The following ELAPOR2 variants were observed in gnomAD, a reference collection of about 807,000 sequenced individuals.
ELAPOR2 encodes the protein endosome/lysosome-associated apoptosis and autophagy regulator family member 2.
ELAPOR2 carries 89 observed loss-of-function variants against 120.7 expected under a neutral mutation model. The observed-to-expected ratio is 0.74, with a 90% CI of 0.62 to 0.88. The LOEUF is 0.88. Ranked by LOEUF, ELAPOR2 falls within the 40% of genes least tolerant of loss-of-function variation. ELAPOR2 has a pLI of 0.00. For missense variants in ELAPOR2, 1,134 were observed against 1,251.6 expected (o/e 0.91, Z 1.42); for synonymous variants, 444 against 444.9 (o/e 1.00, Z 0.03).
At chr7:87,046,183 C>A (rs1226092030) in intron 1 of ELAPOR2, among the ~76,000 whole-genome samples, 1 of 151,782 alleles carries the variant, frequency 6.6e-6, no homozygotes, top group Non-Finnish European at 1.5e-5. Flanking sequence ...AAACAGAAAT[C>A]AAAAAAAGTA....
intron 1 of ELAPOR2, among the ~76,000 whole-genome samples, chr7:87,017,434 T>C (rs1793905697): frequency 6.6e-6 from 1 of 152,094 alleles, no homozygotes. Flanking sequence ...CTTGGAAAAA[T>C]GCTCATAATA....
chr7:86,924,474 A>T (rs12704298), intron 10 of ELAPOR2, among the ~76,000 whole-genome samples: 58,001 of 151,210 alleles, frequency 0.38, 13,628 homozygotes, highest in African/African-American at 0.68. Flanking sequence ...TCCCAATAGG[A>T]CTTAATTTTC....
Position 86,879,579 on chromosome 7 carries a change from C to T in ELAPOR2, c.*892G>A, listed in dbSNP as rs548863440. 86 of 152,276 alleles carry T rather than the reference C, an allele frequency of 5.6e-4. No homozygotes were observed. Among genetic ancestry groups the T allele is most frequent in the African/African-American group, 2.0e-3 (83 of 41,568 alleles). The allele number at this position is 152,276 out of a possible 1,614,324, so 9.4% of individuals were successfully genotyped here. ...CATGAAATTACCCCAGTATTTCATA[C>T]AGTCATCTGTACTTATAGACAAACC... On this transcript the variant is annotated 3_prime_UTR_variant, in exon 22 of 22. Transcript: ENST00000450689.
chr7:86,893,660 C>T (rs553225044), intron 19 of ELAPOR2, among the ~76,000 whole-genome samples: 2 of 152,010 alleles, frequency 1.3e-5, no homozygotes, highest in Non-Finnish European at 2.9e-5. Flanking sequence ...ACAGTCTACA[C>T]CCTTCTTCCC....
At chr7:86,958,479 C>G (rs1791566007) in intron 2 of ELAPOR2, among the ~76,000 whole-genome samples, 1 of 152,028 alleles carries the variant, frequency 6.6e-6, no homozygotes, top group Non-Finnish European at 1.5e-5. Flanking sequence ...TATTTAACCC[C>G]CTTAACCACC....
At chr7:87,031,059 C>A (rs2116732574) in intron 1 of ELAPOR2, among the ~76,000 whole-genome samples, 1 of 152,256 alleles carries the variant, frequency 6.6e-6, no homozygotes, top group East Asian at 1.9e-4. Context: ...TATGGGGAAA[C>A]CACCCCCATG....
chr7:87,051,182 A>C (rs1207300246), intron 1 of ELAPOR2, among the ~76,000 whole-genome samples: 1 of 152,218 alleles, frequency 6.6e-6, no homozygotes, highest in Non-Finnish European at 1.5e-5. Context: ...GAGGGCCAAG[A>C]ATAAATCGCT....
rs1799245677 is a variant in ELAPOR2 at position 86,878,275 on chromosome 7, G to C, written c.*2196C>G. On this transcript the variant is annotated 3_prime_UTR_variant, in exon 22 of 22. Coordinates refer to ENST00000450689, the MANE Select transcript of ELAPOR2 (RefSeq NM_001142749.3). ...ATATTTTCCCCATAATATTCTTTCTGTCATACTTCTTCAGTGCTTGAAATA... is the reference window on the plus strand; with the variant it reads ...ATATTTTCCCCATAATATTCTTTCTCTCATACTTCTTCAGTGCTTGAAATA... The C allele has an allele frequency of 6.6e-6, 1 of 152,118 alleles. No individual in the cohort carries two copies. The highest frequency in any genetic ancestry group is 6.5e-5 in the Admixed American group (1 of 15,278). The allele number at this position is 152,118 out of a possible 1,614,324, so 9.4% of individuals were successfully genotyped here. A position where few individuals can be genotyped will look rare whatever the true frequency, so the allele number is the denominator to read the frequency against.
chr7:86,924,916 C>T (rs1386021447), intron 10 of ELAPOR2, among the ~76,000 whole-genome samples: 1 of 151,990 alleles, frequency 6.6e-6, no homozygotes, highest in African/African-American at 2.4e-5. Context: ...ACAATACCTA[C>T]CCGTAGCATA....
At chr7:87,025,274 A>G (rs1326818065) in intron 1 of ELAPOR2, among the ~76,000 whole-genome samples, 1 of 152,130 alleles carries the variant, frequency 6.6e-6, no homozygotes, top group Non-Finnish European at 1.5e-5. Context: ...CCATCAAGCT[A>G]CATTCTCTGC....
At chr7:87,007,446 T>A (rs1793520303) in intron 1 of ELAPOR2, among the ~76,000 whole-genome samples, 1 of 152,174 alleles carries the variant, frequency 6.6e-6, no homozygotes, top group Non-Finnish European at 1.5e-5. Flanking sequence ...AACTTGTAGT[T>A]TTTAATATGA....
chr7:87,019,775 T>A (rs1366081628), intron 1 of ELAPOR2, among the ~76,000 whole-genome samples: 1 of 152,172 alleles, frequency 6.6e-6, no homozygotes, highest in Non-Finnish European at 1.5e-5. Context: ...TGACAAAACA[T>A]TTCTATTCCC....
intron 2 of ELAPOR2, among the ~76,000 whole-genome samples, 179 bp downstream of exon 2, chr7:86,964,725 C>T (rs928725811): frequency 5.3e-5 from 8 of 152,112 alleles, no homozygotes; most frequent in African/African-American, 1.9e-4. Context: ...TGTCTCATTA[C>T]AGACTTGAGA....
chr7:87,033,710 A>C (rs957071033), intron 1 of ELAPOR2, among the ~76,000 whole-genome samples: 3 of 152,186 alleles, frequency 2.0e-5, no homozygotes, highest in African/African-American at 7.2e-5. Context: ...AAGTGAGAAC[A>C]GCTGAGAATG....
At chr7:86,946,618 C>T (rs1791019819) in intron 3 of ELAPOR2, among the ~76,000 whole-genome samples, 1 of 152,070 alleles carries the variant, frequency 6.6e-6, no homozygotes, top group African/African-American at 2.4e-5. Flanking sequence ...AACTCCCAAC[C>T]TCAGGTGATC....
intron 1 of ELAPOR2, among the ~76,000 whole-genome samples, chr7:87,005,189 G>A (rs955183727): frequency 3.3e-5 from 5 of 151,990 alleles, no homozygotes; most frequent in Admixed American, 6.6e-5. Flanking sequence ...AGCTCAATAC[G>A]TATACACCAA....
At chr7:86,986,007 G>A (rs1042080692) in intron 1 of ELAPOR2, among the ~76,000 whole-genome samples, 1 of 152,014 alleles carries the variant, frequency 6.6e-6, no homozygotes, top group African/African-American at 2.4e-5. Flanking sequence ...GTGCAAGACA[G>A]GGATGCCTTC....
chr7:87,030,935 T>G (rs1441131832), intron 1 of ELAPOR2, among the ~76,000 whole-genome samples: 2 of 152,138 alleles, frequency 1.3e-5, no homozygotes, highest in Non-Finnish European at 2.9e-5. Context: ...TGGTGGAAGA[T>G]GAAAGGCACA....
At chr7:86,904,001 A>G (rs1788846854) in intron 18 of ELAPOR2, among the ~76,000 whole-genome samples, 1 of 152,160 alleles carries the variant, frequency 6.6e-6, no homozygotes, top group Admixed American at 6.5e-5. Context: ...CCCATGAGGA[A>G]TTGGATGAAA....
Sources: allele counts gnomAD v4.1 joint callset (sites outside exome capture counted in the v4.1 genomes callset), GRCh38; gene constraint gnomAD v4.1.1; transcripts MANE v1.5; gene names NCBI Gene and HGNC (gene_info 2026-07-23, HGNC 2026-07-21).